Variants in LUZP2 observed in about 807,000 individuals in gnomAD.
LUZP2 encodes the protein leucine zipper protein 2.
In LUZP2, 52 loss-of-function variants were observed where a neutral mutation model predicts 51.6. The ratio of observed to expected loss-of-function variants is 1.01; its 90% CI spans 0.81 to 1.27. The LOEUF is 1.27. Among genes scored for constraint, LUZP2 ranks in the 50% most tolerant of loss-of-function variants. The probability of loss-of-function intolerance (pLI) is 0.00; values close to 1 mark genes in which losing one functional copy is unlikely to be tolerated. For missense variants in LUZP2, 436 were observed against 395.4 expected, an observed-to-expected ratio of 1.10 and a Z score of -0.87; for synonymous variants, 154 against 137.3, an observed-to-expected ratio of 1.12 and a Z score of -0.85.
At chr11:24,844,934 G>A (rs1438401855) in intron 5 of LUZP2, among the ~76,000 whole-genome samples, 1 of 152,174 alleles carries the variant, frequency 6.6e-6, no homozygotes, top group African/African-American at 2.4e-5. Flanking sequence ...TTTGCTGCAG[G>A]GATGGGGCCC....
chr11:24,621,820 C>T (rs1854504576), intron 1 of LUZP2, among the ~76,000 whole-genome samples: 1 of 152,090 alleles, frequency 6.6e-6, no homozygotes, highest in African/African-American at 2.4e-5. Flanking sequence ...TTGCTTAAGT[C>T]TGCAAAAAGA....
In LUZP2 at chr11:24,937,900, C is replaced by T. The variant is rs1435628821; in HGVS notation, c.522+23362C>T. Reference sequence around the variant, plus strand: ...TGGGCGACAGGGCAAGATTCCCTCTCAAAAAAAAAAAAAAGAAAGAAAGAA... The same window carrying T: ...TGGGCGACAGGGCAAGATTCCCTCTTAAAAAAAAAAAAAAGAAAGAAAGAA... On this transcript the variant is annotated intron_variant, in intron 7 of 11. Coordinates refer to ENST00000336930, the MANE Select transcript of LUZP2 (RefSeq NM_001009909.4). 1.9e-4 allele frequency among the ~76,000 whole-genome samples: 20 copies of T among 106,926 alleles called. No homozygotes were observed. In the Admixed American group the frequency reaches 1.9e-3, roughly 10 times the overall value. The allele number at this position is 106,926 out of a possible 152,430, so 70.1% of individuals were successfully genotyped here.
At chr11:24,872,973 T>C (rs949815136) in intron 5 of LUZP2, among the ~76,000 whole-genome samples, 2 of 152,150 alleles carry the variant, frequency 1.3e-5, no homozygotes, top group Non-Finnish European at 2.9e-5. Context: ...CAAATAAAAA[T>C]TGAAAATGCC....
At chr11:24,603,656 T>C (rs746834865) in intron 1 of LUZP2, among the ~76,000 whole-genome samples, 12 of 143,690 alleles carry the variant, frequency 8.4e-5, no homozygotes, top group Non-Finnish European at 1.8e-4. Context: ...ATATGCATTG[T>C]TGTTCTGTGT....
rs1210191485 is a variant in LUZP2, at chr11:24,727,597, A to G, written c.63-1572A>G. 2.0e-5 allele frequency among the ~76,000 whole-genome samples: 3 copies of G among 152,046 alleles called. No homozygotes were observed. The East Asian group carries it at 5.8e-4, about 29-fold the overall frequency. ...ATGTGTTTATTGTTCAGGAGAAACA[A>G]ATTGGGGCATAAAGTAAGGTTAAAA... is the stretch of plus-strand genomic sequence containing the variant. On this transcript the variant is annotated intron_variant, in intron 1 of 11. Transcript: ENST00000336930.
intron 5 of LUZP2, among the ~76,000 whole-genome samples, chr11:24,840,928 A>G (rs1851008629): frequency 6.6e-6 from 1 of 152,076 alleles, no homozygotes; most frequent in African/African-American, 2.4e-5. Context: ...AAGAGGTGTT[A>G]TATAACCTGA....
At chr11:24,957,773 C>CT (rs1191353150) in intron 7 of LUZP2, among the ~76,000 whole-genome samples, 1 of 151,838 alleles carries the variant, frequency 6.6e-6, no homozygotes. Context: ...TATTAATATA[C>CT]TTTAAGTTTT....
chr11:24,956,303 A>C (rs1220275055), intron 7 of LUZP2, among the ~76,000 whole-genome samples: 1 of 151,826 alleles, frequency 6.6e-6, no homozygotes, highest in Non-Finnish European at 1.5e-5. Flanking sequence ...CAAGGAACTG[A>C]TTTTTCCCTG....
intron 1 of LUZP2, among the ~76,000 whole-genome samples, chr11:24,515,090 A>AG (rs930065098): frequency 3.9e-5 from 6 of 152,322 alleles, no homozygotes; most frequent in African/African-American, 1.2e-4. Flanking sequence ...CCCCGATTTC[A>AG]GGGCAGAGTT....
chr11:25,033,530 T>C (rs1857762395), intron 9 of LUZP2, among the ~76,000 whole-genome samples: 1 of 152,178 alleles, frequency 6.6e-6, no homozygotes, highest in Non-Finnish European at 1.5e-5. Context: ...ACCTGGGTAG[T>C]GAGCACAGTA....
Position 25,050,129 on chromosome 11 carries a change from A to G in LUZP2, c.857A>G (p.Asp286Gly), listed in dbSNP as rs1489482919. The change falls in exon 10 of 12, where the codon GAT (aspartate) becomes GGT (glycine). Residue 286 changes from aspartate to glycine, a missense_variant and splice_region_variant. Transcript: ENST00000336930. ...AGTACCACTGCCTGTGACTCTCAAG[A>G]TGTAAGAAAAACTTAAGATGCTTTT... is the stretch of plus-strand genomic sequence containing the variant. ...NPSTTACDSQ[D>G]EGRPCSMKHK... is the part of the protein sequence containing the mutation. The G allele has an allele frequency of 6.3e-7, 1 of 1,581,886 alleles. No individual in the cohort carries two copies. Among genetic ancestry groups the G allele is most frequent in the Non-Finnish European group, 8.6e-7 (1 of 1,161,212 alleles).
At chr11:24,897,576 G>A (rs746604565) in intron 5 of LUZP2, among the ~76,000 whole-genome samples, 1 of 152,034 alleles carries the variant, frequency 6.6e-6, no homozygotes, top group Non-Finnish European at 1.5e-5. Flanking sequence ...TGAAGCCAGG[G>A]AGACCAGGAA....
chr11:24,661,100 A>T (rs896467827), intron 1 of LUZP2, among the ~76,000 whole-genome samples: 1 of 152,178 alleles, frequency 6.6e-6, no homozygotes, highest in Non-Finnish European at 1.5e-5. Flanking sequence ...TTTAGCTACC[A>T]ATTCATATAT....
chr11:24,960,949 T>G (rs1855379063), intron 7 of LUZP2, among the ~76,000 whole-genome samples: 1 of 152,156 alleles, frequency 6.6e-6, no homozygotes, highest in Non-Finnish European at 1.5e-5. Context: ...ATGTTGTGTC[T>G]TTGTTCTCGT....
At chr11:24,805,601 G>T (rs989163839) in intron 5 of LUZP2, among the ~76,000 whole-genome samples, 5 of 152,132 alleles carry the variant, frequency 3.3e-5, no homozygotes, top group African/African-American at 1.2e-4. Flanking sequence ...CATCATAAAT[G>T]GTACTGGAAG....
In LUZP2 at chr11:24,732,200, C is replaced by CT. The variant is rs772356337; in HGVS notation, c.251+19dup. The CT allele has an allele frequency of 5.7e-6, 9 of 1,586,170 alleles. No homozygotes were observed. The highest frequency in any genetic ancestry group is 2.7e-5 in the African/African-American group (2 of 73,596). Reference sequence around the variant, plus strand: ...GGACAGAAACAAAGGTAAGACTTTTCTTTTTTTCTTAGTTATTTCTGCCAT... The same window carrying CT: ...GGACAGAAACAAAGGTAAGACTTTTCTTTTTTTTCTTAGTTATTTCTGCCAT... On this transcript the variant is annotated intron_variant, in intron 3 of 11. Coordinates refer to ENST00000336930, the MANE Select transcript of LUZP2 (RefSeq NM_001009909.4).
chr11:24,857,322 CACACACACAT>C (rs1590647800), intron 5 of LUZP2, among the ~76,000 whole-genome samples: 1 of 140,412 alleles, frequency 7.1e-6, no homozygotes. Flanking sequence ...TACACACACA[CACACACACAT>C]ATATATATAA....
chr11:24,741,944 TAC>T (rs1319417530), intron 4 of LUZP2, among the ~76,000 whole-genome samples: 27 of 132,106 alleles, frequency 2.0e-4, no homozygotes, highest in Admixed American at 1.5e-3. Context: ...TATAAATATA[TAC>T]ATTTATATAT....
chr11:24,624,532 A>G (rs962316580), intron 1 of LUZP2, among the ~76,000 whole-genome samples: 1 of 152,202 alleles, frequency 6.6e-6, no homozygotes, highest in Non-Finnish European at 1.5e-5. Context: ...TTCCATAATT[A>G]TTTCCCTGCA....
Sources: gnomAD v4.1 joint callset for allele counts (sites outside exome capture counted in the v4.1 genomes callset) on GRCh38, gnomAD v4.1.1 for gene constraint, MANE v1.5 for transcripts, NCBI Gene and HGNC (gene_info 2026-07-23, HGNC 2026-07-21) for gene names.